The following CHN1 variants were observed in gnomAD, a reference collection of about 807,000 sequenced individuals.
CHN1 encodes the protein chimerin 1.
In CHN1, 37 loss-of-function variants were observed where a neutral mutation model predicts 59.5. The observed-to-expected ratio is 0.62, with a 90% confidence interval of 0.48 to 0.82. The LOEUF is 0.82. Among genes scored for constraint, CHN1 ranks in the 40% least tolerant of loss-of-function variants. The probability of loss-of-function intolerance (pLI) is 0.00; values close to 1 mark genes in which losing one functional copy is unlikely to be tolerated. For missense variants in CHN1, 469 were observed against 571.0 expected (o/e 0.82, Z 1.82); for synonymous variants, 206 against 200.4 (o/e 1.03, Z -0.24).
intron 11 of CHN1, among the ~76,000 whole-genome samples, chr2:174,803,891 A>G (rs990476353): frequency 5.3e-5 from 8 of 152,214 alleles, no homozygotes; most frequent in Admixed American, 2.6e-4. Context: ...TTGAAGCTAC[A>G]CAAATCTGGA....
At chr2:174,970,064 A>G (rs1246424646) in intron 1 of CHN1, among the ~76,000 whole-genome samples, 3 of 152,254 alleles carry the variant, frequency 2.0e-5, no homozygotes, top group Non-Finnish European at 4.4e-5. Flanking sequence ...ACACACTCAC[A>G]GTAAAAAGAA....
At chr2:174,847,601 A>T in intron 6 of CHN1, 1 of 1,314,788 alleles carries the variant, frequency 7.6e-7, no homozygotes, top group Non-Finnish European at 1.0e-6. Context: ...CTAGCAGGGA[A>T]GGTGGGGGGA....
At chr2:174,974,790 T>A (rs1371016066) in intron 1 of CHN1, among the ~76,000 whole-genome samples, 1 of 152,108 alleles carries the variant, frequency 6.6e-6, no homozygotes, top group African/African-American at 2.4e-5. Flanking sequence ...GTTTCCTTCA[T>A]GCACATATAA....
Position 174,811,590 on chromosome 2 carries a change from T to C in CHN1, c.887-2A>G. ...GGTATAGTCCTTCAGAATTAAGACC[T>C]GAAAAATAAAACTAGTTAGTTTCTT... On this transcript the variant is annotated splice_acceptor_variant, in intron 9 of 12. Coordinates refer to ENST00000409900, the MANE Select transcript of CHN1 (RefSeq NM_001822.7). LOFTEE classifies it high-confidence loss of function. 1 of 1,590,026 alleles carries C rather than the reference T, an allele frequency of 6.3e-7. No individual in the cohort carries two copies. Among genetic ancestry groups the C allele is most frequent in the Non-Finnish European group, 8.6e-7 (1 of 1,165,686 alleles).
chr2:174,951,301 A>C (rs561798638), intron 2 of CHN1, among the ~76,000 whole-genome samples: 1 of 152,304 alleles, frequency 6.6e-6, no homozygotes, highest in East Asian at 1.9e-4. Flanking sequence ...TAAAAAAAAA[A>C]TTATCTGTTC....
At chr2:174,978,381 A>C (rs1411795000) in intron 1 of CHN1, among the ~76,000 whole-genome samples, 1 of 152,252 alleles carries the variant, frequency 6.6e-6, no homozygotes, top group African/African-American at 2.4e-5. Flanking sequence ...TCTGCTAGAT[A>C]ATTTGCAAGC....
At chr2:174,893,684 G>A (rs1688122782) in intron 5 of CHN1, among the ~76,000 whole-genome samples, 1 of 152,072 alleles carries the variant, frequency 6.6e-6, no homozygotes, top group Non-Finnish European at 1.5e-5. Flanking sequence ...ACGATCTTGG[G>A]AAAGACAAAC....
intron 3 of CHN1, among the ~76,000 whole-genome samples, chr2:174,926,198 T>C (rs1689159690): frequency 6.6e-6 from 1 of 152,048 alleles, no homozygotes; most frequent in African/African-American, 2.4e-5. Context: ...AATGAACTAC[T>C]TTCATTTTTT....
At chr2:174,976,944 A>G (rs1690964927) in intron 1 of CHN1, among the ~76,000 whole-genome samples, 2 of 152,230 alleles carry the variant, frequency 1.3e-5, no homozygotes. Flanking sequence ...TGGTCCTATT[A>G]GCAAACGGGA....
intron 3 of CHN1, among the ~76,000 whole-genome samples, chr2:174,943,206 GTGTA>G (rs779590891): frequency 9.6e-4 from 143 of 148,976 alleles, no homozygotes; most frequent in Admixed American, 2.9e-3. Context: ...GTGTGTGTGT[GTGTA>G]TGTGTGTACA....
chr2:174,918,102 A>C (rs917803242), intron 4 of CHN1, among the ~76,000 whole-genome samples: 2 of 152,104 alleles, frequency 1.3e-5, no homozygotes, highest in Non-Finnish European at 2.9e-5. Flanking sequence ...AGCATGAATT[A>C]TTATATTTTT....
At chr2:174,985,629 T>C (rs1407959655) in intron 1 of CHN1, among the ~76,000 whole-genome samples, 2 of 152,166 alleles carry the variant, frequency 1.3e-5, no homozygotes, top group Non-Finnish European at 2.9e-5. Context: ...ACATAGTGAA[T>C]GCAGGCAGCC....
chr2:174,904,998 A>T (rs1199728828), intron 5 of CHN1, among the ~76,000 whole-genome samples: 11 of 152,190 alleles, frequency 7.2e-5, no homozygotes, highest in Non-Finnish European at 7.3e-5. Context: ...ATCACCTTGT[A>T]TGGGTGCCAG....
chr2:174,902,628 A>G lies in CHN1; in HGVS notation c.260+12430T>C, dbSNP rs1463399047. Among the ~76,000 whole-genome samples the G allele has an allele frequency of 5.3e-5, 8 of 152,320 alleles. No homozygotes were observed. In the East Asian group the frequency reaches 1.2e-3, roughly 22 times the overall value. ...TTTTTCACTTATTCCAAATAGCACAACAAGAAGGTTTGCAGGAAATGGAAT... is the reference window on the plus strand; with the variant it reads ...TTTTTCACTTATTCCAAATAGCACAGCAAGAAGGTTTGCAGGAAATGGAAT... On this transcript the variant is annotated intron_variant, in intron 5 of 12. Transcript: ENST00000409900.
chr2:174,827,770 G>T (rs1685740058), intron 7 of CHN1, among the ~76,000 whole-genome samples: 1 of 152,170 alleles, frequency 6.6e-6, no homozygotes, highest in Non-Finnish European at 1.5e-5. Flanking sequence ...AACAGCGCTT[G>T]GTAACTAATT....
intron 7 of CHN1, among the ~76,000 whole-genome samples, chr2:174,828,692 A>C (rs761519484): frequency 1.3e-5 from 2 of 152,246 alleles, no homozygotes; most frequent in African/African-American, 4.8e-5. Flanking sequence ...TTAAAAAGCC[A>C]TAAGTTGCAT....
At chr2:174,839,676 T>C (rs565739003) in intron 7 of CHN1, among the ~76,000 whole-genome samples, 115 of 151,746 alleles carry the variant, frequency 7.6e-4, no homozygotes, top group African/African-American at 2.6e-3. Context: ...CAATCACAGC[T>C]CACAGCAGCC....
At chr2:174,921,234 T>G (rs1216350836) in intron 3 of CHN1, among the ~76,000 whole-genome samples, 1 of 152,252 alleles carries the variant, frequency 6.6e-6, no homozygotes, top group African/African-American at 2.4e-5. Context: ...GCTTATCAGA[T>G]TCTAGGCCAG....
At chr2:174,914,686 T>C (rs1688794580) in intron 5 of CHN1, among the ~76,000 whole-genome samples, 1 of 151,574 alleles carries the variant, frequency 6.6e-6, no homozygotes, top group Admixed American at 6.6e-5. Context: ...CTACTAAAAA[T>C]GCAAAAATTA....
Sources: allele counts gnomAD v4.1 joint callset (sites outside exome capture counted in the v4.1 genomes callset), GRCh38; gene constraint gnomAD v4.1.1; transcripts MANE v1.5; gene names NCBI Gene and HGNC (gene_info 2026-07-23, HGNC 2026-07-21).